The following TMPRSS12 variants were observed in gnomAD, a reference collection of about 807,000 sequenced individuals.
TMPRSS12 encodes the protein transmembrane protease serine 12.
TMPRSS12 carries 25 observed loss-of-function variants against 26.0 expected under a neutral mutation model. The ratio of observed to expected loss-of-function variants is 0.96; its 90% CI spans 0.70 to 1.34. The LOEUF (loss-of-function observed/expected upper bound fraction) is 1.34. Ranked by LOEUF, TMPRSS12 falls within the 40% of genes most tolerant of loss-of-function variation. The pLI, the probability that TMPRSS12 is intolerant of heterozygous loss-of-function variation, is 0.00. For missense variants in TMPRSS12, 441 were observed against 440.1 expected (o/e 1.00, Z -0.02); for synonymous variants, 150 against 161.7 (o/e 0.93, Z 0.55).
At chr12:50,843,703 T>C in intron 1 of TMPRSS12, 139 bp from the exon 2 acceptor site, 1 of 789,078 alleles carries the variant, frequency 1.3e-6, no homozygotes, top group Non-Finnish European at 1.9e-6. Flanking sequence ...TCTTTCAAAA[T>C]ATGGGCGTGT....
chr12:50,851,611 G>A (rs1390188022), intron 2 of TMPRSS12, among the ~76,000 whole-genome samples: 2 of 152,182 alleles, frequency 1.3e-5, no homozygotes, highest in Non-Finnish European at 2.9e-5. Flanking sequence ...AAGAAACTTG[G>A]AAAACCTATT....
intron 3 of TMPRSS12, among the ~76,000 whole-genome samples, chr12:50,882,903 C>T (rs1039783549): frequency 6.6e-6 from 1 of 152,166 alleles, no homozygotes; most frequent in Admixed American, 6.5e-5. Context: ...TACTCCAGCT[C>T]AGTGTATGAA....
chr12:50,855,574 A>G (rs1459971418), intron 2 of TMPRSS12, among the ~76,000 whole-genome samples: 1 of 152,222 alleles, frequency 6.6e-6, no homozygotes, highest in African/African-American at 2.4e-5. Context: ...TAGCAAGGCT[A>G]TGGAGAAAGC....
At chr12:50,849,287 TC>T (rs1480276930) in intron 2 of TMPRSS12, among the ~76,000 whole-genome samples, 3 of 151,934 alleles carry the variant, frequency 2.0e-5, no homozygotes, top group African/African-American at 7.3e-5. Context: ...AGAGGCTTTT[TC>T]GTACAGCCAG....
At chr12:50,877,706 T>C (rs906821455) in intron 3 of TMPRSS12, among the ~76,000 whole-genome samples, 2 of 152,236 alleles carry the variant, frequency 1.3e-5, no homozygotes, top group Non-Finnish European at 2.9e-5. Flanking sequence ...GTTCAAGCGA[T>C]TCTCATGCCT....
chr12:50,884,403 A>C (rs1938203545), intron 3 of TMPRSS12, among the ~76,000 whole-genome samples: 1 of 152,358 alleles, frequency 6.6e-6, no homozygotes, highest in African/African-American at 2.4e-5. Flanking sequence ...CAGCCAGCAT[A>C]AGACCATATA....
intron 3 of TMPRSS12, among the ~76,000 whole-genome samples, chr12:50,882,286 TAAAAAAAA>T (rs59323134): frequency 1.7e-5 from 1 of 58,506 alleles, no homozygotes; most frequent in African/African-American, 7.2e-5. Flanking sequence ...CCCATCTCTC[TAAAAAAAA>T]AAAAAAAAAA....
At chr12:50,866,563 A>G (rs1937992890) in intron 3 of TMPRSS12, among the ~76,000 whole-genome samples, 1 of 150,110 alleles carries the variant, frequency 6.7e-6, no homozygotes. Context: ...TGCTGAAGAC[A>G]AAGGGCATAT....
At chr12:50,854,308 A>G (rs898875288) in intron 2 of TMPRSS12, among the ~76,000 whole-genome samples, 32 of 152,320 alleles carry the variant, frequency 2.1e-4, no homozygotes, top group African/African-American at 7.5e-4. Flanking sequence ...AAAGGAACAT[A>G]CCTCAAAATA....
chr12:50,850,781 T>G (rs1317092973), intron 2 of TMPRSS12, among the ~76,000 whole-genome samples: 5 of 152,178 alleles, frequency 3.3e-5, no homozygotes, highest in Admixed American at 3.3e-4. Flanking sequence ...CCGGACAAAG[T>G]GCTTTTGCCA....
At chr12:50,862,298 G>A (rs555079609) in intron 3 of TMPRSS12, among the ~76,000 whole-genome samples, 7 of 152,272 alleles carry the variant, frequency 4.6e-5, no homozygotes, top group African/African-American at 9.6e-5. Context: ...TCGGTGTGAC[G>A]ATAGAAACTT....
intron 2 of TMPRSS12, among the ~76,000 whole-genome samples, chr12:50,846,753 A>AT (rs145775723): frequency 1.4e-5 from 2 of 145,158 alleles, no homozygotes; most frequent in African/African-American, 2.8e-5. Flanking sequence ...TAATTTTTGT[A>AT]TTTTTTTGTA....
intron 3 of TMPRSS12, among the ~76,000 whole-genome samples, chr12:50,876,803 C>CAAAA (rs35311314): frequency 0.018 from 1,353 of 74,878 alleles, 60 homozygotes; most frequent in African/African-American, 0.038. Context: ...GACTCTGTCT[C>CAAAA]AAAAAAAAAA....
At chr12:50,853,030 TTG>T (rs1346963769) in intron 2 of TMPRSS12, among the ~76,000 whole-genome samples, 9 of 152,312 alleles carry the variant, frequency 5.9e-5, no homozygotes, top group Admixed American at 5.9e-4. Context: ...ATATACATTT[TTG>T]TAATCCACAC....
At chr12:50,846,844 T>C (rs1015223878) in intron 2 of TMPRSS12, among the ~76,000 whole-genome samples, 14 of 152,014 alleles carry the variant, frequency 9.2e-5, no homozygotes, top group African/African-American at 3.4e-4. Context: ...CCTCCCAAAG[T>C]GGTAACTGCA....
At chr12:50,874,362 T>C (rs143745427) in intron 3 of TMPRSS12, among the ~76,000 whole-genome samples, 1 of 152,248 alleles carries the variant, frequency 6.6e-6, no homozygotes, top group East Asian at 1.9e-4. Flanking sequence ...AAAAGGATTA[T>C]ATACACTACC....
chr12:50,873,896 A>G (rs2139733631), intron 3 of TMPRSS12, among the ~76,000 whole-genome samples: 1 of 152,312 alleles, frequency 6.6e-6, no homozygotes, highest in Non-Finnish European at 1.5e-5. Context: ...ATCAGAGTCA[A>G]ACTGGTTTCA....
At chr12:50,878,437 G>A (rs1219159205) in intron 3 of TMPRSS12, among the ~76,000 whole-genome samples, 1 of 152,048 alleles carries the variant, frequency 6.6e-6, no homozygotes, top group African/African-American at 2.4e-5. Flanking sequence ...AAAAAAACAG[G>A]TGTGGTGGTA....
chr12:50,871,143 A>G (rs1175434667), intron 3 of TMPRSS12, among the ~76,000 whole-genome samples: 1 of 152,216 alleles, frequency 6.6e-6, no homozygotes, highest in Non-Finnish European at 1.5e-5. Context: ...AGCCAAAGCA[A>G]GATTAAGCAA....
Sources: gnomAD v4.1 joint callset for allele counts (sites outside exome capture counted in the v4.1 genomes callset) on GRCh38, gnomAD v4.1.1 for gene constraint, MANE v1.5 for transcripts, NCBI Gene and HGNC (gene_info 2026-07-23, HGNC 2026-07-21) for gene names.